Variants in CCZ1 observed in about 807,000 individuals in gnomAD.
The protein encoded by CCZ1 is vacuolar fusion protein CCZ1 homolog.
Under a neutral mutation model 57.8 loss-of-function variants are expected in CCZ1, and 19 were observed. The observed-to-expected ratio is 0.33, with a 90% CI of 0.23 to 0.48. The LOEUF is 0.48. Ranked by LOEUF, CCZ1 falls within the 20% of genes least tolerant of loss-of-function variation. The pLI is 0.99. For missense variants in CCZ1, 200 were observed against 492.0 expected (o/e 0.41, Z 5.61); for synonymous variants, 81 against 167.0 (o/e 0.49, Z 3.97).
At chr7:5,899,330 GGGGGGTGT>G (rs1461060396) in intron 1 of CCZ1, among the ~76,000 whole-genome samples, 112 of 48,014 alleles carry the variant, frequency 2.3e-3, no homozygotes, top group South Asian at 0.012. Context: ...AATTTCGGGA[GGGGGGTGT>G]GTGTGTGTGT....
intron 3 of CCZ1, 71 bp from the exon 4 acceptor site, chr7:5,900,784 T>G (rs1377670723): frequency 1.3e-6 from 2 of 1,572,310 alleles, no homozygotes; most frequent in Non-Finnish European, 1.7e-6. Context: ...TGTTCAAAGT[T>G]TTTAAATTAA....
intron 5 of CCZ1, chr7:5,902,100 T>C (rs900548433): frequency 4.9e-6 from 1 of 204,872 alleles, no homozygotes; most frequent in African/African-American, 2.3e-5. Context: ...TCAGGACCAG[T>C]CTGGGCAATA....
At chr7:5,902,297 C>CAAAAAAAAA (rs66782236) in intron 5 of CCZ1, 1 of 152,140 alleles carries the variant, frequency 6.6e-6, no homozygotes, top group Non-Finnish European at 1.2e-5. Context: ...GATTCCATCT[C>CAAAAAAAAA]AAAAAAAAAA....
Position 5,901,655 on chromosome 7 carries a change from A to G in CCZ1, c.391-2A>G, listed in dbSNP as rs753867009. On this transcript the variant is annotated splice_acceptor_variant, in intron 4 of 14. Coordinates refer to ENST00000325974, the MANE Select transcript of CCZ1 (RefSeq NM_015622.6). LOFTEE classifies it high-confidence loss of function. The stretch of plus-strand genomic sequence containing the variant: ...CTGTGTGCTGTGTTTTCGCGTCTGC[A>G]GGACAAGGTTTATAGCTCGGTGCTG... 1 of 1,596,416 alleles carries G rather than the reference A, an allele frequency of 6.3e-7. No individual in the cohort carries two copies. The highest frequency in any genetic ancestry group is 8.5e-7 in the Non-Finnish European group (1 of 1,175,400).
intron 7 of CCZ1, among the ~76,000 whole-genome samples, chr7:5,906,946 C>T (rs1187490632): frequency 6.7e-6 from 1 of 149,724 alleles, no homozygotes; most frequent in Non-Finnish European, 1.5e-5. Flanking sequence ...TGGCTTGCTG[C>T]AACCCCTGCC....
chr7:5,920,951 G>GGT (rs1476966871), intron 12 of CCZ1, among the ~76,000 whole-genome samples: 1 of 83,844 alleles, frequency 1.2e-5, no homozygotes. Flanking sequence ...TGTTTTTTGG[G>GGT]TTTTTTTTTT....
At chr7:5,912,251 C>T (rs1189654362) in intron 9 of CCZ1, among the ~76,000 whole-genome samples, 1 of 134,342 alleles carries the variant, frequency 7.4e-6, no homozygotes, top group South Asian at 2.8e-4. Flanking sequence ...ATCCACCATG[C>T]GTGGCCTATT....
chr7:5,915,776 A>AAACCC (rs1779136213), intron 10 of CCZ1, among the ~76,000 whole-genome samples: 1 of 77,742 alleles, frequency 1.3e-5, no homozygotes, highest in Non-Finnish European at 3.0e-5. Context: ...ATGTGTTCCA[A>AAACCC]AACCCCCGGG....
intron 3 of CCZ1, 112 bp from the exon 4 acceptor site, chr7:5,900,743 T>A: frequency 1.3e-6 from 2 of 1,566,608 alleles, no homozygotes; most frequent in South Asian, 2.4e-5. Flanking sequence ...TTGGGGCTGT[T>A]TTAAGAAGCT....
intron 7 of CCZ1, among the ~76,000 whole-genome samples, chr7:5,908,701 T>C (rs1781894146): frequency 6.9e-6 from 1 of 145,548 alleles, no homozygotes; most frequent in Admixed American, 6.8e-5. Flanking sequence ...ATTTCAGTGA[T>C]CTTGAATAGA....
In CCZ1 at chr7:5,906,395, T is replaced by C. The variant is rs531909740; in HGVS notation, c.698+1126T>C. Reference sequence around the variant, plus strand: ...TGGAGTACAGTGGCGCGATCTTGGCTCACTGCAACTTCCCCTTCCTGGGTT... The same window carrying C: ...TGGAGTACAGTGGCGCGATCTTGGCCCACTGCAACTTCCCCTTCCTGGGTT... On this transcript the variant is annotated intron_variant, in intron 7 of 14. Coordinates refer to ENST00000325974, the MANE Select transcript of CCZ1 (RefSeq NM_015622.6). 6.3e-4 allele frequency among the ~76,000 whole-genome samples: 91 copies of C among 145,126 alleles called. 2 individuals are homozygous for C. The highest frequency in any genetic ancestry group is 1.0e-3 in the Non-Finnish European group (68 of 67,136).
At chr7:5,914,656 C>G (rs1380200360) in intron 10 of CCZ1, among the ~76,000 whole-genome samples, 2 of 127,886 alleles carry the variant, frequency 1.6e-5, no homozygotes, top group African/African-American at 7.3e-5. Context: ...GGGCGGATCA[C>G]CTGAGGTCTG....
At chr7:5,910,982 C>T (rs1486548346) in intron 8 of CCZ1, among the ~76,000 whole-genome samples, 3 of 148,290 alleles carry the variant, frequency 2.0e-5, no homozygotes, top group Non-Finnish European at 4.4e-5. Flanking sequence ...GTGATTGACC[C>T]GCCACAGCCT....
At chr7:5,905,643 G>A (rs562052980) in intron 7 of CCZ1, among the ~76,000 whole-genome samples, 10 of 144,404 alleles carry the variant, frequency 6.9e-5, no homozygotes, top group African/African-American at 1.3e-4. Flanking sequence ...GTAGCTGGGC[G>A]TGGTGGTGCA....
intron 10 of CCZ1, among the ~76,000 whole-genome samples, chr7:5,913,268 GGGCCGTA>G (rs1168804854): frequency 6.4e-4 from 86 of 135,066 alleles, no homozygotes; most frequent in African/African-American, 2.2e-3. Context: ...CTCTGGATGG[GGGCCGTA>G]GCCACGTGTC....
chr7:5,909,213 T>TACCTTCCTTA (rs1301460701), intron 7 of CCZ1, among the ~76,000 whole-genome samples: 4 of 148,676 alleles, frequency 2.7e-5, no homozygotes, highest in Admixed American at 2.7e-4. Flanking sequence ...TTTAACCCTT[T>TACCTTCCTTA]ACCTTCCTTA....
rs1207717477 is a variant in CCZ1, at chr7:5,905,549, T to C, written c.698+280T>C. Among the ~76,000 whole-genome samples, 26 of 145,376 alleles carry C rather than the reference T, an allele frequency of 1.8e-4. 1 individual carries two copies. The highest frequency in any genetic ancestry group is 3.4e-4 in the Admixed American group (5 of 14,814). On this transcript the variant is annotated intron_variant, in intron 7 of 14. Transcript: ENST00000325974. ...CTGTAATCTTAGCACTTTGGGAGGC[T>C]GAGGCGGGTGAATCACGAGGTCAGG...
Position 5,912,923 on chromosome 7 carries a change from C to T in CCZ1, c.923C>T (p.Thr308Ile), listed in dbSNP as rs1583188333. 2 of 1,596,020 alleles carry T rather than the reference C, an allele frequency of 1.3e-6. No homozygotes were observed. The highest frequency in any genetic ancestry group is 1.7e-5 in the Admixed American group (1 of 57,888). Residue 308 changes from threonine to isoleucine, a missense_variant, in exon 10 of 15, where the codon ACT (threonine) becomes ATT (isoleucine). By Grantham distance (89) the Thr-to-Ile change is moderately conservative (BLOSUM62 -1). Around this residue, in one of 5 missense-constraint regions of CCZ1, gnomAD observed 13 missense variants for 20.1 expected, o/e 0.65. Transcript: ENST00000325974. Reference protein sequence around the residue: ...FPKIFVNTDDTYEELHLIVYK... With the variant: ...FPKIFVNTDDIYEELHLIVYK... Reference sequence around the variant, plus strand: ...AAAATTTTTGTAAATACAGATGACACTTATGAAGAGCTCCATTTAATCGTT... The same window carrying T: ...AAAATTTTTGTAAATACAGATGACATTTATGAAGAGCTCCATTTAATCGTT...
intron 4 of CCZ1, 127 bp from the exon 5 acceptor site, chr7:5,901,530 A>G: frequency 7.1e-7 from 1 of 1,399,408 alleles, no homozygotes; most frequent in Non-Finnish European, 9.3e-7. Context: ...TCAGCACGCA[A>G]CTATTGTGGG....
Sources: gnomAD v4.1 joint callset for allele counts (sites outside exome capture counted in the v4.1 genomes callset) on GRCh38, gnomAD v4.1.1 for gene constraint, gnomAD v4.1.1 regional missense constraint, MANE v1.5 for transcripts, NCBI Gene and HGNC (gene_info 2026-07-23, HGNC 2026-07-21) for gene names.